NRG3: variants seen among roughly 807,000 people sequenced by gnomAD.
The protein encoded by NRG3 is neuregulin 3.
In NRG3, 31 loss-of-function variants were observed where a neutral mutation model predicts 66.9. That is an observed-to-expected ratio of 0.46 (90% CI 0.35 to 0.63). The LOEUF is 0.63. Among genes scored for constraint, NRG3 ranks in the 20% least tolerant of loss-of-function variants. The pLI is 0.00. For synonymous variants in NRG3, 393 were observed against 359.4 expected (o/e 1.09, Z -1.06); for missense variants, 910 against 878.9 (o/e 1.04, Z -0.45).
chr10:81,999,206 C>T (rs990691344), intron 1 of NRG3, among the ~76,000 whole-genome samples: 1 of 152,178 alleles, frequency 6.6e-6, no homozygotes, highest in Admixed American at 6.5e-5. Flanking sequence ...AAAGGTAAAA[C>T]ATGTGCTTTA....
intron 2 of NRG3, among the ~76,000 whole-genome samples, chr10:82,648,812 G>A (rs1021520391): frequency 6.6e-6 from 1 of 152,124 alleles, no homozygotes; most frequent in Non-Finnish European, 1.5e-5. Context: ...CTGTTTGTCT[G>A]TTACTGGTGT....
chr10:82,184,084 A>G (rs1242155348), intron 1 of NRG3, among the ~76,000 whole-genome samples: 2 of 152,130 alleles, frequency 1.3e-5, no homozygotes, highest in Non-Finnish European at 2.9e-5. Context: ...TATATTTGTT[A>G]TAGAAGCTGA....
chr10:82,331,519 T>G (rs1420233557), intron 1 of NRG3, among the ~76,000 whole-genome samples: 2 of 152,218 alleles, frequency 1.3e-5, no homozygotes, highest in Non-Finnish European at 2.9e-5. Flanking sequence ...TCAAATAAAC[T>G]GCAAACTGTG....
intron 2 of NRG3, among the ~76,000 whole-genome samples, chr10:82,446,952 T>A (rs1329888760): frequency 2.0e-5 from 3 of 152,146 alleles, no homozygotes; most frequent in African/African-American, 7.2e-5. Flanking sequence ...CCAGAAACAG[T>A]AGATGGTATG....
chr10:82,801,596 A>G (rs1302189617), intron 3 of NRG3, among the ~76,000 whole-genome samples: 1 of 152,130 alleles, frequency 6.6e-6, no homozygotes, highest in African/African-American at 2.4e-5. Flanking sequence ...TGCAAATGGA[A>G]AATTGTAATC....
chr10:82,509,801 A>C (rs1845005821), intron 2 of NRG3, among the ~76,000 whole-genome samples: 1 of 152,092 alleles, frequency 6.6e-6, no homozygotes, highest in Non-Finnish European at 1.5e-5. Context: ...GTTCAACCTG[A>C]CCTATAGGAT....
In NRG3 at chr10:82,000,635, G is replaced by A. The variant is rs139680942; in HGVS notation, c.823+124472G>A. Among the ~76,000 whole-genome samples, 115 of 152,208 alleles carry A rather than the reference G, an allele frequency of 7.6e-4. 1 individual carries two copies. Among genetic ancestry groups the A allele is most frequent in the African/African-American group, 2.7e-3 (111 of 41,534 alleles). The stretch of plus-strand genomic sequence containing the variant: ...TAAGGCCACTGCCTGTATCTTCCTG[G>A]CTTCAGCCTGTCAACTCCTTCCTTC... On this transcript the variant is annotated intron_variant, in intron 1 of 8. Coordinates refer to ENST00000372141, the MANE Select transcript of NRG3 (RefSeq NM_001010848.4).
At chr10:82,772,686 T>A (rs1039401203) in intron 3 of NRG3, among the ~76,000 whole-genome samples, 3 of 151,456 alleles carry the variant, frequency 2.0e-5, no homozygotes, top group African/African-American at 7.3e-5. Flanking sequence ...ACCCATGGTT[T>A]CCAGTTTGCT....
chr10:82,785,722 A>G (rs983642752), intron 3 of NRG3, among the ~76,000 whole-genome samples: 1 of 152,192 alleles, frequency 6.6e-6, no homozygotes, highest in African/African-American at 2.4e-5. Flanking sequence ...TCCTTATAGT[A>G]AAATGAGAGA....
At chr10:82,364,180 G>T (rs1564841735) in intron 2 of NRG3, among the ~76,000 whole-genome samples, 1 of 152,042 alleles carries the variant, frequency 6.6e-6, no homozygotes, top group African/African-American at 2.4e-5. Context: ...TAAAATCAAG[G>T]TCATTATAAT....
chr10:82,918,507 T>A (rs1846103389), intron 4 of NRG3, among the ~76,000 whole-genome samples: 1 of 152,192 alleles, frequency 6.6e-6, no homozygotes, highest in Non-Finnish European at 1.5e-5. Context: ...AAGTAAGTTA[T>A]CTTCTCTTTT....
chr10:82,886,143 G>A lies in NRG3; in HGVS notation c.1054+20706G>A, dbSNP rs574456768. 7.2e-5 allele frequency among the ~76,000 whole-genome samples: 11 copies of A among 152,296 alleles called. No individual in the cohort carries two copies. The South Asian group carries it at 2.3e-3, about 32-fold the overall frequency. On this transcript the variant is annotated intron_variant, in intron 4 of 8. Transcript: ENST00000372141. ...AGCCTCCCTAAGTGTTGGGATTTCCGGCGTGAGCCACAGGGCCCGGCCTTA... is the reference window on the plus strand; with the variant it reads ...AGCCTCCCTAAGTGTTGGGATTTCCAGCGTGAGCCACAGGGCCCGGCCTTA...
At chr10:82,556,119 C>A (rs1405540462) in intron 2 of NRG3, among the ~76,000 whole-genome samples, 1 of 152,146 alleles carries the variant, frequency 6.6e-6, no homozygotes, top group Non-Finnish European at 1.5e-5. Context: ...AAAACACTTT[C>A]TGGTTTTTGG....
At chr10:82,271,838 C>T (rs2078613072) in intron 1 of NRG3, among the ~76,000 whole-genome samples, 1 of 152,020 alleles carries the variant, frequency 6.6e-6, no homozygotes, top group African/African-American at 2.4e-5. Flanking sequence ...GATATTTTGG[C>T]TTATCTTGTT....
intron 2 of NRG3, among the ~76,000 whole-genome samples, chr10:82,380,499 A>G (rs995298320): frequency 2.6e-5 from 4 of 152,174 alleles, no homozygotes; most frequent in African/African-American, 9.6e-5. Flanking sequence ...GCAGCAATCC[A>G]GTAGAAATAC....
At chr10:82,897,034 C>G (rs369972386) in intron 4 of NRG3, among the ~76,000 whole-genome samples, 1 of 152,124 alleles carries the variant, frequency 6.6e-6, no homozygotes, top group Non-Finnish European at 1.5e-5. Context: ...CTGGAAAATG[C>G]GAAGACCACC....
At chr10:82,159,447 A>G (rs1264366304) in intron 1 of NRG3, among the ~76,000 whole-genome samples, 1 of 151,732 alleles carries the variant, frequency 6.6e-6, no homozygotes, top group Non-Finnish European at 1.5e-5. Flanking sequence ...TGTTCCATCT[A>G]TTGGACTCAT....
At position 82,295,755 on chromosome 10, in the gene NRG3, T is replaced by C. The variant is rs574171287; in HGVS notation, c.824-62984T>C. On this transcript the variant is annotated intron_variant, in intron 1 of 8. Coordinates refer to ENST00000372141, the MANE Select transcript of NRG3 (RefSeq NM_001010848.4). ...AAGTATTCTAGCCTAATATTTATAC[T>C]ATGTATATTTTCTCAACGTCATCTA... 5.9e-5 allele frequency among the ~76,000 whole-genome samples: 9 copies of C among 152,300 alleles called. No homozygotes were observed. In the East Asian group the frequency reaches 9.6e-4, roughly 16 times the overall value.
Position 81,875,788 on chromosome 10 carries a change from A to G in NRG3, c.448A>G (p.Thr150Ala). The G allele has an allele frequency of 6.2e-7, 1 of 1,610,586 alleles. No individual in the cohort carries two copies. Among genetic ancestry groups the G allele is most frequent in the Non-Finnish European group, 8.5e-7 (1 of 1,179,816 alleles). Residue 150 changes from threonine (T) to alanine (A), a missense_variant, in exon 1 of 9, where the codon ACG (threonine) becomes GCG (alanine). Physicochemically the swap from Thr to Ala is moderately conservative, Grantham distance 58. Transcript: ENST00000372141. The surrounding 1 kb of genome is among the most constrained non-coding windows in gnomAD (Gnocchi z 5.3). ...CGCCGGGGGTGCCGCCTCCTCCAGG[A>G]CGCCCAACCGGATTAGCACTCGCCT... ...PSAGGAASSR[T>A]PNRISTRLTT... is the part of the protein sequence containing the mutation.
Sources: gnomAD v4.1 joint callset for allele counts (sites outside exome capture counted in the v4.1 genomes callset) on GRCh38, gnomAD v4.1.1 for gene constraint, Gnocchi (gnomAD v3.1) non-coding constraint, MANE v1.5 for transcripts, NCBI Gene and HGNC (gene_info 2026-07-23, HGNC 2026-07-21) for gene names.